The following EXOC6B variants were observed in gnomAD, a reference collection of about 807,000 sequenced individuals.
EXOC6B encodes exocyst complex component 6B, also known as SEC15 homolog B.
EXOC6B carries 54 observed loss-of-function variants against 113.5 expected under a neutral mutation model. That is an observed-to-expected ratio of 0.48 (90% CI 0.38 to 0.60). EXOC6B has a LOEUF of 0.60. Ranked by LOEUF, EXOC6B falls within the 20% of genes least tolerant of loss-of-function variation. EXOC6B has a pLI of 0.00. For missense variants in EXOC6B, 797 were observed against 977.5 expected (o/e 0.82, Z 2.46); for synonymous variants, 357 against 339.0 (o/e 1.05, Z -0.58).
intron 8 of EXOC6B, among the ~76,000 whole-genome samples, chr2:72,527,824 T>C (rs1701811927): frequency 6.6e-6 from 1 of 152,022 alleles, no homozygotes; most frequent in African/African-American, 2.4e-5. Flanking sequence ...TATATCTGCC[T>C]CGGTGAATTG....
In EXOC6B at chr2:72,767,808, T is replaced by TAAAAAAA. The variant is rs34358568; in HGVS notation, c.114-26346_114-26340dup. ...AGCCTGGGAGACACAGAGACCTTGT[T>TAAAAAAA]AAAAAAAAAAAAAAAAAAAAAAAAA... On this transcript the variant is annotated intron_variant, in intron 1 of 21. Coordinates refer to ENST00000272427, the MANE Select transcript of EXOC6B (RefSeq NM_015189.3). Among the ~76,000 whole-genome samples, 73 of 12,688 alleles carry TAAAAAAA rather than the reference T, an allele frequency of 5.8e-3. 14 individuals are homozygous for TAAAAAAA. The highest frequency in any genetic ancestry group is 9.5e-3 in the South Asian group (2 of 210). 8.3% of individuals were successfully genotyped at this position (12,688 alleles called of 152,430 possible).
rs34867991 is a variant in EXOC6B, at chr2:72,753,247, TAAA to T, written c.114-11781_114-11779del. 4.1e-3 allele frequency among the ~76,000 whole-genome samples: 601 copies of T among 147,248 alleles called. 1 individual carries two copies. Among genetic ancestry groups the T allele is most frequent in the Admixed American group, 3.7e-3 (55 of 14,810 alleles). ...ATGGCAAGGGGCATGTCTCTTGAAT[TAAA>T]AAAAAAAAAAAAGAATTTAACTTTC... On this transcript the variant is annotated intron_variant, in intron 1 of 21. Coordinates refer to ENST00000272427, the MANE Select transcript of EXOC6B (RefSeq NM_015189.3).
intron 19 of EXOC6B, among the ~76,000 whole-genome samples, chr2:72,341,461 G>A (rs550993887): frequency 6.6e-6 from 1 of 152,196 alleles, no homozygotes; most frequent in African/African-American, 2.4e-5. Flanking sequence ...ATAATTAAAA[G>A]TATTGTCTTA....
intron 18 of EXOC6B, among the ~76,000 whole-genome samples, chr2:72,408,392 GA>G (rs1233661647): frequency 6.6e-6 from 1 of 152,074 alleles, no homozygotes; most frequent in African/African-American, 2.4e-5. Flanking sequence ...AACCAAAAAA[GA>G]GCCCACATTG....
At chr2:72,498,330 A>G in intron 13 of EXOC6B, 124 bp downstream of exon 13, 1 of 603,566 alleles carries the variant, frequency 1.7e-6, no homozygotes, top group Non-Finnish European at 2.8e-6. Flanking sequence ...AACCTAGAGT[A>G]GCTACAAAAT....
intron 17 of EXOC6B, 46 bp from the exon 18 acceptor site, chr2:72,465,385 G>A (rs930706485): frequency 6.8e-7 from 1 of 1,465,218 alleles, no homozygotes; most frequent in Non-Finnish European, 9.2e-7. Context: ...ATTTCAATAT[G>A]GGCAGAAATT....
intron 18 of EXOC6B, among the ~76,000 whole-genome samples, chr2:72,384,972 C>A (rs1181491543): frequency 6.6e-6 from 1 of 152,026 alleles, no homozygotes; most frequent in South Asian, 2.1e-4. Context: ...ATCCTTATCA[C>A]AATACCAATG....
chr2:72,274,209 C>G (rs918761735), intron 20 of EXOC6B, among the ~76,000 whole-genome samples: 1 of 152,180 alleles, frequency 6.6e-6, no homozygotes, highest in South Asian at 2.1e-4. Context: ...AGGTCCTACA[C>G]ATTTAGACAA....
chr2:72,745,271 T>C (rs536714900), intron 1 of EXOC6B, among the ~76,000 whole-genome samples: 3 of 152,098 alleles, frequency 2.0e-5, no homozygotes, highest in Non-Finnish European at 4.4e-5. Flanking sequence ...CTGGTCAACA[T>C]AGTGAGATCC....
At chr2:72,520,079 G>T (rs972576170) in intron 8 of EXOC6B, among the ~76,000 whole-genome samples, 1 of 152,084 alleles carries the variant, frequency 6.6e-6, no homozygotes, top group African/African-American at 2.4e-5. Context: ...CAGTTAGCAC[G>T]TATCTCCATC....
At chr2:72,737,432 T>C (rs905686804) in intron 2 of EXOC6B, among the ~76,000 whole-genome samples, 1 of 152,230 alleles carries the variant, frequency 6.6e-6, no homozygotes, top group Non-Finnish European at 1.5e-5. Context: ...ATGTTTTGTA[T>C]CACCTACTTA....
At chr2:72,716,739 G>T (rs1553471989) in intron 6 of EXOC6B, among the ~76,000 whole-genome samples, 1 of 152,040 alleles carries the variant, frequency 6.6e-6, no homozygotes, top group Non-Finnish European at 1.5e-5. Flanking sequence ...AATTTCTTCA[G>T]ATAATTAAGG....
intron 8 of EXOC6B, among the ~76,000 whole-genome samples, chr2:72,544,348 G>A (rs1702782581): frequency 1.3e-5 from 2 of 151,042 alleles, no homozygotes; most frequent in South Asian, 4.2e-4. Context: ...AAAGCTCCAT[G>A]TTTTTTTTTC....
At chr2:72,351,106 A>C (rs1277256156) in intron 19 of EXOC6B, among the ~76,000 whole-genome samples, 1 of 152,144 alleles carries the variant, frequency 6.6e-6, no homozygotes, top group Non-Finnish European at 1.5e-5. Flanking sequence ...GCAGGCCTCA[A>C]GCAGTCTGAC....
Position 72,719,849 on chromosome 2 carries a change from G to T in EXOC6B, c.465-1542C>A, listed in dbSNP as rs570863895. Among the ~76,000 whole-genome samples, 5 of 152,198 alleles carry T rather than the reference G, an allele frequency of 3.3e-5. No homozygotes were observed. In the South Asian group the frequency reaches 1.0e-3, roughly 32 times the overall value. Reference sequence around the variant, plus strand: ...ATTCACAGAAAGAAACAAAGAACATGGGAAATAGTAAATACATGCTAAATA... The same window carrying T: ...ATTCACAGAAAGAAACAAAGAACATTGGAAATAGTAAATACATGCTAAATA... On this transcript the variant is annotated intron_variant, in intron 5 of 21. Transcript: ENST00000272427.
intron 6 of EXOC6B, among the ~76,000 whole-genome samples, chr2:72,589,137 A>G (rs979402954): frequency 6.4e-5 from 2 of 31,420 alleles, no homozygotes; most frequent in South Asian, 1.6e-3. Context: ...ACTCACTTAA[A>G]AAATAAAAAA....
chr2:72,364,370 C>G (rs1417396261), intron 19 of EXOC6B, among the ~76,000 whole-genome samples: 1 of 151,996 alleles, frequency 6.6e-6, no homozygotes, highest in Non-Finnish European at 1.5e-5. Context: ...CTTAGTGGCT[C>G]TAAAATATAT....
intron 6 of EXOC6B, among the ~76,000 whole-genome samples, chr2:72,658,095 T>C (rs1309452163): frequency 6.6e-6 from 1 of 150,848 alleles, no homozygotes; most frequent in African/African-American, 2.4e-5. Flanking sequence ...GCTCTTTAAG[T>C]TCTTTCTTCA....
At chr2:72,401,671 A>G (rs868670909) in intron 18 of EXOC6B, among the ~76,000 whole-genome samples, 3 of 100,484 alleles carry the variant, frequency 3.0e-5, no homozygotes, top group Non-Finnish European at 5.7e-5. Flanking sequence ...ATATATGTAT[A>G]TATATATATA....
Sources: allele counts gnomAD v4.1 joint callset (sites outside exome capture counted in the v4.1 genomes callset), GRCh38; gene constraint gnomAD v4.1.1; transcripts MANE v1.5; gene names NCBI Gene and HGNC (gene_info 2026-07-23, HGNC 2026-07-21).